CADM2: variants seen among roughly 807,000 people sequenced by gnomAD.
CADM2 encodes the protein immunoglobulin superfamily member 4D.
CADM2 carries 12 observed loss-of-function variants against 49.8 expected under a neutral mutation model. The observed-to-expected ratio is 0.24, with a 90% CI of 0.15 to 0.39. The LOEUF is 0.39. Ranked by LOEUF, CADM2 falls within the 10% of genes least tolerant of loss-of-function variation. The probability of loss-of-function intolerance (pLI) is 1.00; values close to 1 mark genes in which losing one functional copy is unlikely to be tolerated. For missense variants in CADM2, 378 were observed against 492.3 expected (o/e 0.77, Z 2.20); for synonymous variants, 214 against 175.4 (o/e 1.22, Z -1.74).
At chr3:85,585,470 G>A (rs1310099828) in intron 1 of CADM2, among the ~76,000 whole-genome samples, 5 of 151,754 alleles carry the variant, frequency 3.3e-5, no homozygotes, top group Non-Finnish European at 7.4e-5. Flanking sequence ...TTCTATTCAT[G>A]AAATTGTGAA....
intron 1 of CADM2, among the ~76,000 whole-genome samples, chr3:85,403,868 T>C (rs572609356): frequency 5.3e-5 from 8 of 152,084 alleles, no homozygotes; most frequent in Admixed American, 1.3e-4. Flanking sequence ...ATGTTAAAAA[T>C]GCATTGAATT....
intron 1 of CADM2, among the ~76,000 whole-genome samples, chr3:85,162,105 A>G (rs563065127): frequency 1.1e-4 from 14 of 123,956 alleles, no homozygotes; most frequent in South Asian, 2.6e-4. Flanking sequence ...TGGGTTCATT[A>G]TATAAACCAG....
intron 1 of CADM2, among the ~76,000 whole-genome samples, chr3:85,276,344 TA>T (rs1433187843): frequency 6.6e-6 from 1 of 151,340 alleles, no homozygotes; most frequent in Non-Finnish European, 1.5e-5. Flanking sequence ...TTTGACGTAA[TA>T]AAAAATCAAA....
intron 1 of CADM2, among the ~76,000 whole-genome samples, chr3:85,365,604 A>G (rs1238634547): frequency 6.6e-6 from 1 of 152,204 alleles, no homozygotes; most frequent in East Asian, 1.9e-4. Flanking sequence ...CATTAAAATG[A>G]CAAGCCTCTG....
At chr3:85,254,383 T>C (rs962055025) in intron 1 of CADM2, among the ~76,000 whole-genome samples, 4 of 152,106 alleles carry the variant, frequency 2.6e-5, no homozygotes, top group African/African-American at 9.6e-5. Flanking sequence ...GTAATCATGG[T>C]TGATTAAGTC....
intron 8 of CADM2, among the ~76,000 whole-genome samples, chr3:86,047,564 A>G (rs565672498): frequency 1.2e-4 from 19 of 152,292 alleles, no homozygotes; most frequent in African/African-American, 4.6e-4. Flanking sequence ...GCTACAAGTC[A>G]CTTTGTGCCT....
At chr3:85,780,814 CCTGTAT>C (rs2070601542) in intron 2 of CADM2, among the ~76,000 whole-genome samples, 1 of 152,030 alleles carries the variant, frequency 6.6e-6, no homozygotes, top group African/African-American at 2.4e-5. Flanking sequence ...ATCATGTATC[CCTGTAT>C]CTGTTCCCTC....
intron 1 of CADM2, among the ~76,000 whole-genome samples, chr3:85,634,202 G>A (rs2064392292): frequency 6.6e-6 from 1 of 151,660 alleles, no homozygotes; most frequent in African/African-American, 2.4e-5. Context: ...TTTTCAATGA[G>A]GTATTAAACA....
chr3:85,044,618 G>A (rs2035575704), intron 1 of CADM2, among the ~76,000 whole-genome samples: 1 of 152,112 alleles, frequency 6.6e-6, no homozygotes, highest in Non-Finnish European at 1.5e-5. Context: ...TCTGGGCTAA[G>A]ATATTGTACA....
intron 1 of CADM2, among the ~76,000 whole-genome samples, chr3:85,055,433 C>A (rs569986090): frequency 1.3e-5 from 2 of 152,098 alleles, no homozygotes; most frequent in South Asian, 2.1e-4. Context: ...TACTTTCCCT[C>A]CATCATCATC....
rs2106842252 is a variant in CADM2 at position 85,511,906 on chromosome 3, A to C, written c.62-214616A>C. ...TAATCAGACTGCATCAAGGTAAAAC[A>C]AGAAAAAGTGGTGAAATTATATCTT... is the stretch of plus-strand genomic sequence containing the variant. On this transcript the variant is annotated intron_variant, in intron 1 of 9. Transcript: ENST00000383699. 3 of 972,672 alleles carry C rather than the reference A, an allele frequency of 3.1e-6. No homozygotes were observed. In the South Asian group the frequency reaches 1.4e-4, roughly 46 times the overall value. The allele number at this position is 972,672 out of a possible 1,614,324, so 60.3% of individuals were successfully genotyped here.
At chr3:85,020,964 C>A (rs2034477452) in intron 1 of CADM2, among the ~76,000 whole-genome samples, 1 of 151,544 alleles carries the variant, frequency 6.6e-6, no homozygotes. Flanking sequence ...AGAAACGAAG[C>A]TGCTGGGCCA....
intron 1 of CADM2, among the ~76,000 whole-genome samples, chr3:85,601,717 T>C: frequency 6.6e-6 from 1 of 151,716 alleles, no homozygotes; most frequent in Non-Finnish European, 1.5e-5. Flanking sequence ...CATATCCCTA[T>C]GCTAATTCTA....
chr3:85,311,761 T>C (rs2044351334), intron 1 of CADM2, among the ~76,000 whole-genome samples: 1 of 152,156 alleles, frequency 6.6e-6, no homozygotes, highest in South Asian at 2.1e-4. Flanking sequence ...GAGTTTTGGA[T>C]CCTCACAAAT....
At chr3:85,638,007 ATAAC>A (rs2064570764) in intron 1 of CADM2, among the ~76,000 whole-genome samples, 1 of 152,254 alleles carries the variant, frequency 6.6e-6, no homozygotes, top group African/African-American at 2.4e-5. Flanking sequence ...AACCTTATAA[ATAAC>A]ATTTCTAAAG....
At chr3:86,036,458 T>C (rs1262467136) in intron 8 of CADM2, among the ~76,000 whole-genome samples, 1 of 152,172 alleles carries the variant, frequency 6.6e-6, no homozygotes, top group Non-Finnish European at 1.5e-5. Flanking sequence ...TGCTTTTCTC[T>C]CTTCAGTCTG....
chr3:85,815,938 C>A (rs542855137), intron 3 of CADM2, among the ~76,000 whole-genome samples: 82 of 152,176 alleles, frequency 5.4e-4, no homozygotes, highest in African/African-American at 1.9e-3. Flanking sequence ...AAGTAAATTT[C>A]AAAATAGCAT....
At chr3:85,629,404 C>G (rs188214056) in intron 1 of CADM2, among the ~76,000 whole-genome samples, 1,837 of 151,920 alleles carry the variant, frequency 0.012, 46 homozygotes, top group African/African-American at 0.042. Context: ...TGCATGCACA[C>G]ACACACACAG....
intron 1 of CADM2, among the ~76,000 whole-genome samples, chr3:84,997,095 A>T (rs2033218661): frequency 6.6e-6 from 1 of 152,102 alleles, no homozygotes; most frequent in South Asian, 2.1e-4. Context: ...AAGAAATAGC[A>T]CTTAAAAATT....
Sources: gnomAD v4.1 joint callset for allele counts (sites outside exome capture counted in the v4.1 genomes callset) on GRCh38, gnomAD v4.1.1 for gene constraint, MANE v1.5 for transcripts, NCBI Gene and HGNC (gene_info 2026-07-23, HGNC 2026-07-21) for gene names.